The following CLTRN variants were observed in gnomAD, a reference collection of about 807,000 sequenced individuals.
CLTRN encodes collectrin, amino acid transport regulator.
A neutral mutation model predicts 14.5 loss-of-function variants in CLTRN; 12 were observed. The observed-to-expected ratio is 0.83, with a 90% CI of 0.53 to 1.34. The LOEUF (loss-of-function observed/expected upper bound fraction) is 1.34, where lower values mean the gene tolerates loss of function less well. Ranked by LOEUF, CLTRN falls within the 40% of genes most tolerant of loss-of-function variation. CLTRN has a pLI of 0.00. For synonymous variants in CLTRN, 58 were observed against 56.5 expected, an observed-to-expected ratio of 1.03 and a Z score of -0.12; for missense variants, 154 against 165.1, an observed-to-expected ratio of 0.93 and a Z score of 0.37.
At chrX:15,652,025 G>A (rs1929229473) in intron 3 of CLTRN, among the ~76,000 whole-genome samples, 1 of 112,392 alleles carries the variant, frequency 8.9e-6, no homozygotes, top group African/African-American at 3.2e-5. Context: ...TGTGAAGGCA[G>A]AAAGTTGGTG....
chrX:15,670,338 CACACACACACACAA>C (rs1291791266), intron 1 of CLTRN, among the ~76,000 whole-genome samples: 1 of 109,350 alleles, frequency 9.1e-6, no homozygotes, highest in East Asian at 2.9e-4. Context: ...CACACACACA[CACACACACACACAA>C]ACCCCTTTGG....
At chrX:15,668,086 G>T (rs906249605), upstream of CLTRN, among the ~76,000 whole-genome samples, 2 of 111,774 alleles carry the variant, frequency 1.8e-5, no homozygotes. Flanking sequence ...ATTCTGTATA[G>T]ACAATATAGA....
In CLTRN at chrX:15,636,307, C is replaced by T. The variant is rs200096151; in HGVS notation, c.512+3255G>A. 4.5e-5 allele frequency among the ~76,000 whole-genome samples: 5 copies of T among 111,860 alleles called. No individual in the cohort carries two copies. The East Asian group carries it at 1.4e-3, about 31-fold the overall frequency. ...GTATGGAATCAACCTAAGTGTCCAT[C>T]AATGAATGAATGGATAAAGAAAATG... is the stretch of plus-strand genomic sequence containing the variant. On this transcript the variant is annotated intron_variant, in intron 5 of 5. Coordinates refer to ENST00000380342, the MANE Select transcript of CLTRN (RefSeq NM_020665.6).
chrX:15,670,230 T>C (rs1449658202), intron 1 of CLTRN, among the ~76,000 whole-genome samples: 1 of 108,440 alleles, frequency 9.2e-6, no homozygotes, highest in Non-Finnish European at 1.9e-5. Flanking sequence ...TGAGCCATGA[T>C]TGTGCCACCA....
chrX:15,652,569 C>CA (rs934891817), intron 3 of CLTRN, among the ~76,000 whole-genome samples: 2 of 109,818 alleles, frequency 1.8e-5, no homozygotes, highest in African/African-American at 6.6e-5. Context: ...AGTTCATATA[C>CA]AAAAAAGACA....
intron 2 of CLTRN, among the ~76,000 whole-genome samples, chrX:15,662,246 T>C (rs1025927637): frequency 9.1e-6 from 1 of 110,126 alleles, no homozygotes; most frequent in Non-Finnish European, 1.9e-5. Flanking sequence ...TTTTGCTTCA[T>C]AATTTATAGA....
intron 3 of CLTRN, among the ~76,000 whole-genome samples, chrX:15,657,997 T>C (rs944754384): frequency 8.9e-6 from 1 of 111,975 alleles, no homozygotes; most frequent in Non-Finnish European, 1.9e-5. Context: ...CAATTAATAG[T>C]AATCATCTAT....
chrX:15,638,499 C>T (rs1928867642), intron 5 of CLTRN, among the ~76,000 whole-genome samples: 1 of 112,239 alleles, frequency 8.9e-6, no homozygotes, highest in African/African-American at 3.2e-5. Context: ...ACACATCCCA[C>T]ATGTCCCATG....
intron 3 of CLTRN, among the ~76,000 whole-genome samples, chrX:15,654,351 G>T (rs1326907745): frequency 8.9e-6 from 1 of 112,764 alleles, no homozygotes; most frequent in Non-Finnish European, 1.9e-5. Flanking sequence ...TTATCTAAAA[G>T]TTGATGTTTG....
chrX:15,645,066 T>G, intron 3 of CLTRN, 37 bp from the exon 4 acceptor site: 14 of 866,765 alleles, frequency 1.6e-5, no homozygotes, highest in Non-Finnish European at 2.2e-5. Flanking sequence ...ATGAGAAGAA[T>G]ATCATACCAA....
At chrX:15,655,786 C>A (rs1929343838) in intron 3 of CLTRN, among the ~76,000 whole-genome samples, 2 of 111,869 alleles carry the variant, frequency 1.8e-5, no homozygotes, top group African/African-American at 6.5e-5. Context: ...TGACGGAGTC[C>A]TGAGAATGTC....
At chrX:15,633,295 T>C (rs1376613407) in intron 5 of CLTRN, among the ~76,000 whole-genome samples, 1 of 112,567 alleles carries the variant, frequency 8.9e-6, no homozygotes, top group East Asian at 2.8e-4. Context: ...TGCAATATTA[T>C]GCATATTTTA....
At chrX:15,651,136 T>C (rs5936003) in intron 3 of CLTRN, among the ~76,000 whole-genome samples, 31,097 of 110,162 alleles carry the variant, frequency 0.28, 3,622 homozygotes, top group East Asian at 0.52. Context: ...TGGGGGGACA[T>C]GGTTTTCTTG....
intron 5 of CLTRN, among the ~76,000 whole-genome samples, chrX:15,634,567 T>C (rs1928772021): frequency 9.0e-6 from 1 of 110,588 alleles, no homozygotes; most frequent in Non-Finnish European, 1.9e-5. Flanking sequence ...ACACTAAATC[T>C]AGTAGAGACA....
chrX:15,641,645 T>TGTGTGTGTGTGA lies in CLTRN; in HGVS notation c.318-1890_318-1889insTCACACACACAC, dbSNP rs1450650801. ...GTGCCACCACACCTGGCTGTGTGTG[T>TGTGTGTGTGTGA]GTGTGTGTGTGTGTGTGTGTGTGTG... On this transcript the variant is annotated intron_variant, in intron 4 of 5. Transcript: ENST00000380342. Among the ~76,000 whole-genome samples, 11 of 104,860 alleles carry TGTGTGTGTGTGA rather than the reference T, an allele frequency of 1.0e-4. No homozygotes were observed. The South Asian group carries it at 4.7e-3, about 45-fold the overall frequency. 91.1% of individuals were successfully genotyped at this position (104,860 alleles called of 115,157 possible).
At chrX:15,656,651 G>A (rs775651287) in intron 3 of CLTRN, among the ~76,000 whole-genome samples, 92 of 111,214 alleles carry the variant, frequency 8.3e-4, no homozygotes, top group African/African-American at 2.6e-3. Flanking sequence ...TCTCCGCAAA[G>A]CTATTTTCAA....
At chrX:15,671,841 C>T (rs898842320) in intron 1 of CLTRN, among the ~76,000 whole-genome samples, 7 of 59,595 alleles carry the variant, frequency 1.2e-4, no homozygotes, top group African/African-American at 3.5e-4. Flanking sequence ...TAATTTTATG[C>T]GCGCACACAC....
chrX:15,631,484 A>T (rs757990526), intron 5 of CLTRN, among the ~76,000 whole-genome samples: 1 of 112,375 alleles, frequency 8.9e-6, no homozygotes, highest in Admixed American at 9.5e-5. Flanking sequence ...ACAAAGAGCT[A>T]GACGTATGTG....
chrX:15,628,151 A>G (rs1330889293), intron 5 of CLTRN, 24 bp from the exon 6 acceptor site: 1 of 1,029,759 alleles, frequency 9.7e-7, no homozygotes, highest in Admixed American at 3.3e-5. Flanking sequence ...AAAAAGAGTG[A>G]TTGGCATCTA....
Sources: gnomAD v4.1 joint callset for allele counts (sites outside exome capture counted in the v4.1 genomes callset) on GRCh38, gnomAD v4.1.1 for gene constraint, MANE v1.5 for transcripts, NCBI Gene and HGNC (gene_info 2026-07-23, HGNC 2026-07-21) for gene names.